SH3D19: variants seen among roughly 807,000 people sequenced by gnomAD.
SH3D19 encodes the protein SH3 domain containing 19.
SH3D19 carries 58 observed loss-of-function variants against 112.1 expected under a neutral mutation model. The ratio of observed to expected loss-of-function variants is 0.52; its 90% CI spans 0.42 to 0.64. SH3D19 has a LOEUF of 0.64. SH3D19 is among the 30% of genes least tolerant of loss of function. The pLI is 0.00. For synonymous variants in SH3D19, 391 were observed against 448.5 expected (o/e 0.87, Z 1.62); for missense variants, 1,090 against 1,263.4 (o/e 0.86, Z 2.08).
chr4:151,161,359 A>G (rs1389188208), intron 8 of SH3D19, among the ~76,000 whole-genome samples: 21 of 152,114 alleles, frequency 1.4e-4, no homozygotes, highest in Admixed American at 1.4e-3. Context: ...CAGACACCAA[A>G]GTTTCATTCT....
At chr4:151,286,512 AG>A (rs1332606065) in intron 1 of SH3D19, among the ~76,000 whole-genome samples, 2 of 151,706 alleles carry the variant, frequency 1.3e-5, no homozygotes, top group African/African-American at 4.8e-5. Context: ...ACAAATTCCT[AG>A]AAACACACAA....
At chr4:151,280,008 T>G in intron 1 of SH3D19, 1 of 1,258,884 alleles carries the variant, frequency 7.9e-7, no homozygotes, top group Non-Finnish European at 1.0e-6. Flanking sequence ...AGTGAATATT[T>G]GCATCACTTC....
chr4:151,320,016 A>G (rs1730381884), intron 1 of SH3D19, among the ~76,000 whole-genome samples: 1 of 152,230 alleles, frequency 6.6e-6, no homozygotes, highest in South Asian at 2.1e-4. Context: ...TGTGAGCCTC[A>G]GTCTTTTCAA....
intron 2 of SH3D19, among the ~76,000 whole-genome samples, chr4:151,193,083 A>T (rs914085276): frequency 5.3e-5 from 8 of 151,840 alleles, no homozygotes; most frequent in Non-Finnish European, 1.0e-4. Flanking sequence ...ACTCAATTCT[A>T]CTCATAGAGA....
chr4:151,212,753 G>T (rs1376316447), intron 2 of SH3D19, among the ~76,000 whole-genome samples: 1 of 152,178 alleles, frequency 6.6e-6, no homozygotes, highest in Non-Finnish European at 1.5e-5. Context: ...TTTTGACTTT[G>T]AAGTCTTATT....
At chr4:151,143,630 G>T (rs950227769) in intron 12 of SH3D19, among the ~76,000 whole-genome samples, 5 of 148,102 alleles carry the variant, frequency 3.4e-5, no homozygotes, top group African/African-American at 7.4e-5. Context: ...TTTTTTATTT[G>T]TTTTTTTTTT....
At chr4:151,209,906 T>TA (rs1178612669) in intron 2 of SH3D19, among the ~76,000 whole-genome samples, 1 of 152,138 alleles carries the variant, frequency 6.6e-6, no homozygotes, top group African/African-American at 2.4e-5. Context: ...AGAAATGGGT[T>TA]AAAAAATCTG....
intron 1 of SH3D19, among the ~76,000 whole-genome samples, chr4:151,245,942 T>G (rs1770914091): frequency 6.6e-6 from 1 of 151,900 alleles, no homozygotes; most frequent in Non-Finnish European, 1.5e-5. Flanking sequence ...CCCATTCTCA[T>G]TTCCCAAAGA....
chr4:151,249,791 T>G (rs949016795), intron 1 of SH3D19, among the ~76,000 whole-genome samples: 1 of 152,226 alleles, frequency 6.6e-6, no homozygotes, highest in African/African-American at 2.4e-5. Context: ...CTTTCAGCAA[T>G]TAGTTAAGGC....
chr4:151,257,040 CT>C (rs1341193378), intron 1 of SH3D19, among the ~76,000 whole-genome samples: 1 of 151,956 alleles, frequency 6.6e-6, no homozygotes, highest in Non-Finnish European at 1.5e-5. Context: ...CCTTCCTGGC[CT>C]AATCTAGTTA....
intron 2 of SH3D19, among the ~76,000 whole-genome samples, chr4:151,219,737 C>T (rs914358002): frequency 1.3e-5 from 2 of 152,170 alleles, no homozygotes; most frequent in Non-Finnish European, 2.9e-5. Context: ...TTGTCACCTA[C>T]GTGCACTGCA....
chr4:151,304,800 T>C (rs1191981880), intron 1 of SH3D19, among the ~76,000 whole-genome samples: 2 of 152,132 alleles, frequency 1.3e-5, no homozygotes, highest in Non-Finnish European at 2.9e-5. Flanking sequence ...AGAAAAGACC[T>C]GAGAAGGCCC....
intron 1 of SH3D19, chr4:151,291,412 T>C: frequency 6.2e-7 from 1 of 1,613,814 alleles, no homozygotes. Context: ...CATACAGGGC[T>C]GGGAAGAGAA....
chr4:151,211,888 T>C (rs1766031738), intron 2 of SH3D19, among the ~76,000 whole-genome samples: 1 of 152,176 alleles, frequency 6.6e-6, no homozygotes. Flanking sequence ...AAGTGCAAGG[T>C]GAAGTTGCAA....
intron 1 of SH3D19, chr4:151,282,237 T>C: frequency 6.2e-7 from 1 of 1,613,902 alleles, no homozygotes; most frequent in South Asian, 1.1e-5. Flanking sequence ...GTGTCCAAAA[T>C]CGTCATCCAT....
intron 9 of SH3D19, among the ~76,000 whole-genome samples, chr4:151,150,184 C>CAAAAAAAAAAAAA (rs759365990): frequency 1.4e-4 from 1 of 7,200 alleles, no homozygotes. Flanking sequence ...GACTCCATCT[C>CAAAAAAAAAAAAA]AAAAAAAAAA....
chr4:151,180,580 A>G (rs1326077321), intron 3 of SH3D19, among the ~76,000 whole-genome samples: 4 of 149,480 alleles, frequency 2.7e-5, no homozygotes, highest in Admixed American at 6.7e-5. Flanking sequence ...CTAATTTTTT[A>G]TATTTTTAGT....
At chr4:151,129,385 T>C (rs527719071) in intron 17 of SH3D19, among the ~76,000 whole-genome samples, 4 of 152,228 alleles carry the variant, frequency 2.6e-5, no homozygotes, top group African/African-American at 9.6e-5. Flanking sequence ...GCTTTTTTCT[T>C]TCGAGATGGA....
At chr4:151,185,040 GTTTTTTTTTTTTTTT>G (rs66567240) in intron 3 of SH3D19, among the ~76,000 whole-genome samples, 1 of 66,520 alleles carries the variant, frequency 1.5e-5, no homozygotes, top group East Asian at 4.3e-4. Context: ...GCTGTGTCCT[GTTTTTTTTTTTTTTT>G]TTTTTTTTTT....
Sources: gnomAD v4.1 joint callset for allele counts (sites outside exome capture counted in the v4.1 genomes callset) on GRCh38, gnomAD v4.1.1 for gene constraint, MANE v1.5 for transcripts, NCBI Gene and HGNC (gene_info 2026-07-23, HGNC 2026-07-21) for gene names.